The following NCKAP5 variants were observed in gnomAD, a reference collection of about 807,000 sequenced individuals.
NCKAP5 encodes NCK associated protein 5.
Under a neutral mutation model 167.0 loss-of-function variants are expected in NCKAP5, and 92 were observed. The observed-to-expected ratio is 0.55, with a 90% CI of 0.47 to 0.66. NCKAP5 has a LOEUF of 0.66. Ranked by LOEUF, NCKAP5 falls within the 30% of genes least tolerant of loss-of-function variation. The probability of loss-of-function intolerance (pLI) is 0.00; values close to 1 mark genes in which losing one functional copy is unlikely to be tolerated. For missense variants in NCKAP5, 2,378 were observed against 2,315.0 expected (o/e 1.03, Z -0.56); for synonymous variants, 891 against 877.4 (o/e 1.02, Z -0.27).
At chr2:133,111,994 G>A (rs1182032115) in intron 6 of NCKAP5, among the ~76,000 whole-genome samples, 1 of 152,136 alleles carries the variant, frequency 6.6e-6, no homozygotes, top group Non-Finnish European at 1.5e-5. Flanking sequence ...TACATGAGAG[G>A]TCACTGAAAC....
chr2:133,608,920 C>A, the NCKAP5 span, among the ~76,000 whole-genome samples: 3 of 152,228 alleles, frequency 2.0e-5, no homozygotes, highest in African/African-American at 7.2e-5. Flanking sequence ...ACCAACCACA[C>A]TGAATGGATT....
At chr2:132,983,243 T>G (rs959745440) in intron 7 of NCKAP5, among the ~76,000 whole-genome samples, 1 of 152,190 alleles carries the variant, frequency 6.6e-6, no homozygotes, top group South Asian at 2.1e-4. Flanking sequence ...CAGAAGCATA[T>G]AATCAGTGAA....
At chr2:132,827,587 A>G (rs1687220132) in intron 11 of NCKAP5, among the ~76,000 whole-genome samples, 1 of 152,188 alleles carries the variant, frequency 6.6e-6, no homozygotes, top group African/African-American at 2.4e-5. Context: ...TATTAGCCAC[A>G]TTTTACAGAT....
chr2:133,188,573 TAACAA>T (rs1018034154), intron 5 of NCKAP5, among the ~76,000 whole-genome samples: 1 of 152,036 alleles, frequency 6.6e-6, no homozygotes, highest in African/African-American at 2.4e-5. Context: ...AAAGAAATTA[TAACAA>T]ACTGTCTCTC....
In NCKAP5 at chr2:132,868,922, A is replaced by G. The variant is rs1690576037; in HGVS notation, c.687+14T>C. 1 of 1,541,552 alleles carries G rather than the reference A, an allele frequency of 6.5e-7. No individual in the cohort carries two copies. On this transcript the variant is annotated intron_variant, in intron 10 of 19. Transcript: ENST00000409261. Reference sequence around the variant, plus strand: ...AAAGTGCCTTGAAAAGAACAAAGTCAGAAAGTGACCTACCTTTTGAGTAAG... The same window carrying G: ...AAAGTGCCTTGAAAAGAACAAAGTCGGAAAGTGACCTACCTTTTGAGTAAG...
At chr2:133,658,588 T>C in the NCKAP5 span, among the ~76,000 whole-genome samples, 1 of 152,106 alleles carries the variant, frequency 6.6e-6, no homozygotes, top group Non-Finnish European at 1.5e-5. Context: ...AACTCAGGCT[T>C]GGCCAGCCAA....
At chr2:132,727,256 C>T (rs1402634783) in intron 18 of NCKAP5, among the ~76,000 whole-genome samples, 1 of 152,152 alleles carries the variant, frequency 6.6e-6, no homozygotes, top group Non-Finnish European at 1.5e-5. Context: ...ATTCAAACTC[C>T]TTTGCCATCA....
intron 19 of NCKAP5, among the ~76,000 whole-genome samples, chr2:132,692,337 G>C (rs1686842598): frequency 6.6e-6 from 1 of 151,862 alleles, no homozygotes; most frequent in African/African-American, 2.4e-5. Context: ...TTTTTTAGTA[G>C]AGATGGGGTT....
At chr2:133,187,162 C>G (rs554800757) in intron 5 of NCKAP5, among the ~76,000 whole-genome samples, 2 of 151,928 alleles carry the variant, frequency 1.3e-5, no homozygotes, top group African/African-American at 4.8e-5. Context: ...TCTCTATTTT[C>G]ATTAATTTTA....
chr2:133,647,643 AAGGG>A, the NCKAP5 span, among the ~76,000 whole-genome samples: 1 of 139,500 alleles, frequency 7.2e-6, no homozygotes, highest in East Asian at 2.3e-4. Context: ...GGAAGGAAGA[AAGGG>A]AGAGAGAGAG....
the NCKAP5 span, among the ~76,000 whole-genome samples, chr2:133,633,759 A>G: frequency 1.3e-5 from 2 of 152,162 alleles, no homozygotes; most frequent in Non-Finnish European, 2.9e-5. Flanking sequence ...GGGGATTTGA[A>G]CCCAAGTTAG....
chr2:133,419,958 C>A (rs1010183598), intron 3 of NCKAP5, among the ~76,000 whole-genome samples: 1 of 152,190 alleles, frequency 6.6e-6, no homozygotes, highest in Non-Finnish European at 1.5e-5. Flanking sequence ...CTAAACATTG[C>A]TGAAGACCCA....
intron 16 of NCKAP5, among the ~76,000 whole-genome samples, chr2:132,756,383 A>G (rs1173715385): frequency 6.6e-6 from 1 of 152,166 alleles, no homozygotes; most frequent in Non-Finnish European, 1.5e-5. Flanking sequence ...TGGGCCAGGG[A>G]AAAGCATTAG....
At chr2:133,630,123 T>C in the NCKAP5 span, among the ~76,000 whole-genome samples, 3 of 152,142 alleles carry the variant, frequency 2.0e-5, no homozygotes, top group Admixed American at 6.5e-5. Flanking sequence ...ATCCTGCACA[T>C]GGACCCCAGA....
intron 6 of NCKAP5, among the ~76,000 whole-genome samples, chr2:133,090,138 G>A (rs1267344834): frequency 6.6e-6 from 1 of 151,618 alleles, no homozygotes; most frequent in African/African-American, 2.4e-5. Context: ...AGGCCAACGT[G>A]GGAGGATCTC....
chr2:133,245,651 C>T (rs766631), intron 4 of NCKAP5, among the ~76,000 whole-genome samples: 2,818 of 151,780 alleles, frequency 0.019, 83 homozygotes, highest in African/African-American at 0.064. Flanking sequence ...TAATTAAAGG[C>T]GCAATCCCTA....
intron 19 of NCKAP5, among the ~76,000 whole-genome samples, chr2:132,694,759 A>G (rs986723786): frequency 2.6e-5 from 4 of 152,228 alleles, no homozygotes; most frequent in African/African-American, 7.2e-5. Context: ...TTTTCCTAAA[A>G]TGAAGTAAAA....
intron 16 of NCKAP5, among the ~76,000 whole-genome samples, chr2:132,770,184 A>G (rs898468400): frequency 1.3e-5 from 2 of 152,098 alleles, no homozygotes; most frequent in Non-Finnish European, 2.9e-5. Flanking sequence ...TTAACTATGG[A>G]TAAAACTTTG....
chr2:132,754,332 T>C (rs1680359932), intron 16 of NCKAP5, among the ~76,000 whole-genome samples: 1 of 152,180 alleles, frequency 6.6e-6, no homozygotes, highest in Admixed American at 6.5e-5. Flanking sequence ...CTGTTGTAAA[T>C]GTCATTATAA....
Sources: allele counts gnomAD v4.1 joint callset (sites outside exome capture counted in the v4.1 genomes callset), GRCh38; gene constraint gnomAD v4.1.1; transcripts MANE v1.5; gene names NCBI Gene and HGNC (gene_info 2026-07-23, HGNC 2026-07-21).